Variants in BIRC6 observed in about 807,000 individuals in gnomAD.
BIRC6 encodes the protein dual E2 ubiquitin-conjugating enzyme/E3 ubiquitin-protein ligase BIRC6.
In BIRC6, 98 loss-of-function variants were observed where a neutral mutation model predicts 503.3. That is an observed-to-expected ratio of 0.19 (90% CI 0.17 to 0.23). The LOEUF is 0.23. Among genes scored for constraint, BIRC6 ranks in the 10% least tolerant of loss-of-function variants. The probability of loss-of-function intolerance (pLI) is 1.00; values close to 1 mark genes in which losing one functional copy is unlikely to be tolerated. For missense variants in BIRC6, 5,360 were observed against 5,806.0 expected (o/e 0.92, Z 2.50); for synonymous variants, 2,240 against 2,078.7 (o/e 1.08, Z -2.11).
intron 10 of BIRC6, among the ~76,000 whole-genome samples, chr2:32,420,517 C>T (rs1055435493): frequency 1.3e-5 from 2 of 151,792 alleles, no homozygotes; most frequent in Admixed American, 1.3e-4. Flanking sequence ...ATTTTATTTA[C>T]TTTTTATTTT....
Position 32,593,914 on chromosome 2 carries a change from G to T in BIRC6, c.13356-1G>T. 1 of 1,607,184 alleles carries T rather than the reference G, an allele frequency of 6.2e-7. No individual in the cohort carries two copies. The highest frequency in any genetic ancestry group is 1.1e-5 in the South Asian group (1 of 88,958). On this transcript the variant is annotated splice_acceptor_variant, in intron 66 of 73. Coordinates refer to ENST00000421745, the MANE Select transcript of BIRC6 (RefSeq NM_016252.4). LOFTEE classifies it high-confidence loss of function. ...TTTCTTTCCATATTAAAAAAATTCA[G>T]ATCTAAAAGGGAAAATGTTAAAACA...
At chr2:32,538,085 G>T (rs530215100) in intron 61 of BIRC6, among the ~76,000 whole-genome samples, 1 of 152,110 alleles carries the variant, frequency 6.6e-6, no homozygotes, top group African/African-American at 2.4e-5. Flanking sequence ...TAATATTAGC[G>T]TCTATACTGC....
intron 57 of BIRC6, among the ~76,000 whole-genome samples, chr2:32,521,507 T>G (rs1054583497): frequency 8.6e-5 from 13 of 151,878 alleles, no homozygotes; most frequent in Non-Finnish European, 1.6e-4. Context: ...AGTCTCACTC[T>G]GTCCCCCAGG....
intron 47 of BIRC6, among the ~76,000 whole-genome samples, 172 bp from the exon 48 acceptor site, chr2:32,502,623 G>T (rs1159442175): frequency 6.6e-6 from 1 of 152,058 alleles, no homozygotes; most frequent in Non-Finnish European, 1.5e-5. Flanking sequence ...TCAGGGAGAT[G>T]GTTTTTTTAT....
rs1558663126 is a variant in BIRC6 at position 32,415,624 on chromosome 2, A to G, written c.2333A>G (p.Asn778Ser). 6.2e-7 allele frequency: 1 copy of G among 1,614,010 alleles called. No individual in the cohort carries two copies. Among genetic ancestry groups the G allele is most frequent in the East Asian group, 2.2e-5 (1 of 44,886 alleles). Residue 778 changes from asparagine (N) to serine (S), a missense_variant, in exon 10 of 74, where the codon AAT (asparagine) becomes AGT (serine). Physicochemically the swap from Asn to Ser is conservative, Grantham distance 46 (BLOSUM62 1). This residue lies in a region of BIRC6 where 700 missense variants were observed against 739.3 expected (regional missense o/e 0.95). Coordinates refer to ENST00000421745, the MANE Select transcript of BIRC6 (RefSeq NM_016252.4). ...NLNKLNSALCNRRKGELESNL... is the reference protein window; with the variant it reads ...NLNKLNSALCSRRKGELESNL... ...AATAAATTAAACTCTGCACTATGTA[A>G]TAGACGGAAAGGTGAGCTGGAATCA...
chr2:32,392,912 A>G (rs2039431845), intron 5 of BIRC6, among the ~76,000 whole-genome samples: 1 of 151,636 alleles, frequency 6.6e-6, no homozygotes, highest in Admixed American at 6.6e-5. Context: ...AAGTGTTGGG[A>G]TTATAAGTGT....
intron 8 of BIRC6, among the ~76,000 whole-genome samples, chr2:32,405,493 C>T (rs889654003): frequency 2.0e-5 from 3 of 152,066 alleles, no homozygotes; most frequent in Admixed American, 1.3e-4. Flanking sequence ...GTGCGGAATA[C>T]CACTTCATAT....
At chr2:32,513,532 T>C (rs1415402212) in intron 54 of BIRC6, among the ~76,000 whole-genome samples, 2 of 152,288 alleles carry the variant, frequency 1.3e-5, no homozygotes, top group African/African-American at 2.4e-5. Context: ...TCCCAGCACT[T>C]TGGAGGCCGA....
chr2:32,577,751 A>G (rs529686291), intron 66 of BIRC6, among the ~76,000 whole-genome samples: 4 of 152,360 alleles, frequency 2.6e-5, no homozygotes, highest in Admixed American at 2.6e-4. Context: ...TACACCAGTT[A>G]ATTCACCATG....
chr2:32,379,897 G>C (rs555537917), intron 2 of BIRC6, among the ~76,000 whole-genome samples: 1 of 151,894 alleles, frequency 6.6e-6, no homozygotes, highest in South Asian at 2.1e-4. Context: ...TCTTGATTTG[G>C]TTTACAATAA....
intron 65 of BIRC6, among the ~76,000 whole-genome samples, chr2:32,559,873 A>G (rs568098892): frequency 2.6e-5 from 4 of 152,190 alleles, no homozygotes; most frequent in Admixed American, 2.6e-4. Flanking sequence ...AAAATTAGCC[A>G]GGTGTAGTGG....
intron 12 of BIRC6, among the ~76,000 whole-genome samples, chr2:32,431,618 T>C (rs1024640088): frequency 6.6e-6 from 1 of 152,246 alleles, no homozygotes; most frequent in African/African-American, 2.4e-5. Flanking sequence ...ATTTGTCATA[T>C]TGCTTTTGGA....
chr2:32,401,726 G>T, intron 8 of BIRC6, 103 bp downstream of exon 8: 10 of 992,608 alleles, frequency 1.0e-5, no homozygotes. Context: ...AAAAAGTTAC[G>T]CAGTTAAGAG....
chr2:32,557,032 T>G (rs76092257), intron 65 of BIRC6, among the ~76,000 whole-genome samples: 2,503 of 152,338 alleles, frequency 0.016, 74 homozygotes, highest in African/African-American at 0.058. Flanking sequence ...TACCCACATT[T>G]ATCAGAGAAA....
In BIRC6 at chr2:32,485,629, A is replaced by G. The variant is rs2050904157; in HGVS notation, c.7697-14A>G. ...TTGTCAATGTTTTCTTTTTCTTTCA[A>G]TTGCTTTTTGTAGCCCTGGATGCTC... On this transcript the variant is annotated splice_polypyrimidine_tract_variant and intron_variant, in intron 39 of 73. Coordinates refer to ENST00000421745, the MANE Select transcript of BIRC6 (RefSeq NM_016252.4). 6.4e-7 allele frequency: 1 copy of G among 1,566,304 alleles called. No homozygotes were observed. Among genetic ancestry groups the G allele is most frequent in the Non-Finnish European group, 8.8e-7 (1 of 1,140,890 alleles).
chr2:32,592,189 G>C (rs1337537434), intron 66 of BIRC6, among the ~76,000 whole-genome samples: 1 of 152,148 alleles, frequency 6.6e-6, no homozygotes, highest in Non-Finnish European at 1.5e-5. Context: ...CTGAAATGGT[G>C]TACAGTATAA....
intron 68 of BIRC6, 51 bp from the exon 69 acceptor site, chr2:32,597,700 A>T: frequency 7.3e-7 from 1 of 1,367,482 alleles, no homozygotes; most frequent in South Asian, 1.2e-5. Flanking sequence ...GATTTTTGTC[A>T]TTATAACAAT....
intron 21 of BIRC6, 116 bp from the exon 22 acceptor site, chr2:32,448,679 G>T: frequency 1.3e-6 from 1 of 793,568 alleles, no homozygotes; most frequent in Non-Finnish European, 2.0e-6. Flanking sequence ...AGAGGGGAGA[G>T]GGGAGAGGGA....
intron 10 of BIRC6, among the ~76,000 whole-genome samples, chr2:32,418,361 G>A (rs574363030): frequency 2.6e-5 from 4 of 152,250 alleles, no homozygotes; most frequent in African/African-American, 9.6e-5. Context: ...TATTGTCTCC[G>A]TTTTGTACAT....
Sources: gnomAD v4.1 joint callset for allele counts (sites outside exome capture counted in the v4.1 genomes callset) on GRCh38, gnomAD v4.1.1 for gene constraint, gnomAD v4.1.1 regional missense constraint, MANE v1.5 for transcripts, NCBI Gene and HGNC (gene_info 2026-07-23, HGNC 2026-07-21) for gene names.